The following KIF26B variants were observed in gnomAD, a reference collection of about 807,000 sequenced individuals.
The protein encoded by KIF26B is kinesin family member 26B.
KIF26B carries 63 observed loss-of-function variants against 151.2 expected under a neutral mutation model. The observed-to-expected ratio is 0.42, with a 90% CI of 0.34 to 0.51. The LOEUF is 0.51. KIF26B is among the 20% of genes least tolerant of loss of function. The pLI is 0.07. For missense variants in KIF26B, 2,813 were observed against 2,913.6 expected, an observed-to-expected ratio of 0.97 and a Z score of 0.79; for synonymous variants, 1,357 against 1,262.1, an observed-to-expected ratio of 1.08 and a Z score of -1.59.
intron 3 of KIF26B, among the ~76,000 whole-genome samples, chr1:245,377,269 T>C (rs1455513408): frequency 6.6e-6 from 1 of 152,220 alleles, no homozygotes; most frequent in African/African-American, 2.4e-5. Flanking sequence ...ACTGCAAGTC[T>C]GAAATCAAGG....
intron 5 of KIF26B, among the ~76,000 whole-genome samples, chr1:245,565,526 G>A (rs1279005519): frequency 6.6e-6 from 1 of 152,128 alleles, no homozygotes; most frequent in African/African-American, 2.4e-5. Context: ...CTGGCCTCAA[G>A]CAAGTTGCCC....
chr1:245,529,498 C>T (rs1661313603), intron 4 of KIF26B, among the ~76,000 whole-genome samples: 1 of 152,204 alleles, frequency 6.6e-6, no homozygotes, highest in African/African-American at 2.4e-5. Flanking sequence ...ATCCAGATCT[C>T]TGCAGCCAGG....
Position 245,688,458 on chromosome 1 carries a change from C to G in KIF26B, c.5475C>G (p.Ala1825=). ...GAGARGLQLR[A]GPEAEARGGA... Reference sequence around the variant, plus strand: ...GCGCCCGGGGCTTGCAGCTGCGGGCCGGGCCCGAGGCGGAGGCGCGCGGGG... The same window carrying G: ...GCGCCCGGGGCTTGCAGCTGCGGGCGGGGCCCGAGGCGGAGGCGCGCGGGG... The change falls in exon 12 of 15, where the codon GCC becomes GCG. Residue 1825 remains alanine, a synonymous_variant. Coordinates refer to ENST00000407071, the MANE Select transcript of KIF26B (RefSeq NM_018012.4). 1 of 1,370,640 alleles carries G rather than the reference C, an allele frequency of 7.3e-7. No individual in the cohort carries two copies. The highest frequency in any genetic ancestry group is 9.3e-7 in the Non-Finnish European group (1 of 1,073,408). 84.9% of individuals were successfully genotyped at this position (1,370,640 alleles called of 1,614,324 possible).
At chr1:245,522,590 T>G (rs1661152425) in intron 4 of KIF26B, among the ~76,000 whole-genome samples, 1 of 152,190 alleles carries the variant, frequency 6.6e-6, no homozygotes, top group African/African-American at 2.4e-5. Context: ...GCAAAGCAAC[T>G]GCACTAACAG....
At chr1:245,658,346 G>GT in intron 10 of KIF26B, among the ~76,000 whole-genome samples, 1 of 152,282 alleles carries the variant, frequency 6.6e-6, no homozygotes, top group South Asian at 2.1e-4. Context: ...CTGCTCTAAT[G>GT]AGATGCTCAC....
At chr1:245,265,829 A>G (rs964565126) in intron 2 of KIF26B, among the ~76,000 whole-genome samples, 1 of 152,122 alleles carries the variant, frequency 6.6e-6, no homozygotes, top group Non-Finnish European at 1.5e-5. Flanking sequence ...GCTGGTTTCG[A>G]ACTCCTGAGC....
intron 2 of KIF26B, among the ~76,000 whole-genome samples, chr1:245,159,365 G>T (rs147596805): frequency 6.6e-6 from 1 of 152,138 alleles, no homozygotes; most frequent in Non-Finnish European, 1.5e-5. Context: ...TTTGGTTTTG[G>T]TTCTTCTTCA....
chr1:245,192,069 C>T (rs1270460288), intron 2 of KIF26B, among the ~76,000 whole-genome samples: 2 of 151,892 alleles, frequency 1.3e-5, no homozygotes, highest in Non-Finnish European at 2.9e-5. Flanking sequence ...ATCCTAACTA[C>T]CAGGATTAAT....
intron 5 of KIF26B, among the ~76,000 whole-genome samples, chr1:245,575,474 CA>C (rs543333513): frequency 1.8e-3 from 265 of 147,980 alleles, no homozygotes; most frequent in Non-Finnish European, 3.2e-3. Context: ...GACTCCATCT[CA>C]AAAAAAAAAT....
chr1:245,444,860 TC>T (rs1282309777), intron 4 of KIF26B, among the ~76,000 whole-genome samples: 9 of 152,136 alleles, frequency 5.9e-5, no homozygotes, highest in African/African-American at 1.2e-4. Context: ...GATTCCAAAA[TC>T]CACGTGTGTC....
intron 2 of KIF26B, among the ~76,000 whole-genome samples, chr1:245,338,734 G>A (rs1440562847): frequency 6.6e-6 from 1 of 152,086 alleles, no homozygotes; most frequent in African/African-American, 2.4e-5. Context: ...TGACCCGAAG[G>A]GCAAAGGCCT....
intron 2 of KIF26B, among the ~76,000 whole-genome samples, chr1:245,296,024 G>A (rs1016430309): frequency 6.6e-6 from 1 of 152,104 alleles, no homozygotes; most frequent in African/African-American, 2.4e-5. Flanking sequence ...GCGTAATGTT[G>A]AACACATGAC....
At chr1:245,661,536 T>C (rs2044138601) in intron 10 of KIF26B, among the ~76,000 whole-genome samples, 1 of 151,222 alleles carries the variant, frequency 6.6e-6, no homozygotes. Context: ...TATACACACA[T>C]ACCCAATATG....
At chr1:245,385,520 A>G (rs1376070160) in intron 3 of KIF26B, among the ~76,000 whole-genome samples, 1 of 152,220 alleles carries the variant, frequency 6.6e-6, no homozygotes, top group African/African-American at 2.4e-5. Flanking sequence ...CTGAATGTAC[A>G]TGCCTGTTTG....
In KIF26B at chr1:245,688,140, C is replaced by A. The variant is rs1028933382; in HGVS notation, c.5157C>A (p.Pro1719=). The change falls in exon 12 of 15, where the codon CCC becomes CCA. Residue 1719 remains proline, a synonymous_variant. Coordinates refer to ENST00000407071, the MANE Select transcript of KIF26B (RefSeq NM_018012.4). ...SLGRSAGTSP[P]SSGASPKAGQ... ...GCCGCAGCGCCGGGACCTCGCCCCC[C>A]AGCTCCGGGGCCTCGCCCAAGGCCG... 4.4e-6 allele frequency: 7 copies of A among 1,591,128 alleles called. No homozygotes were observed. In the South Asian group the frequency reaches 4.5e-5, roughly 10 times the overall value.
intron 2 of KIF26B, among the ~76,000 whole-genome samples, chr1:245,248,648 C>T (rs547480707): frequency 1.3e-5 from 2 of 152,322 alleles, no homozygotes; most frequent in African/African-American, 4.8e-5. Context: ...CACTTTGTCG[C>T]TTTTATGGTT....
At position 245,687,504 on chromosome 1, in the gene KIF26B, G is replaced by A. The variant is rs117760772; in HGVS notation, c.4521G>A (p.Arg1507=). The A allele has an allele frequency of 9.1e-4, 1,441 of 1,578,314 alleles. 33 individuals carry two copies. The East Asian group carries it at 0.025, about 27-fold the overall frequency. Residue 1507 remains arginine (R), a synonymous_variant, in exon 12 of 15, where the codon AGG becomes AGA. Coordinates refer to ENST00000407071, the MANE Select transcript of KIF26B (RefSeq NM_018012.4). This position sits in a 1 kb window ranked among gnomAD's most constrained non-coding sequence, Gnocchi z 4.9. ...VSASPVTDNF[R]RVVDGCEMAL... is the part of the protein sequence containing the mutation. ...CCTCCCCGGTCACTGACAACTTCAG[G>A]AGGGTCGTGGATGGGTGTGAGATGG...
chr1:245,441,780 T>C (rs1659111500), intron 4 of KIF26B, among the ~76,000 whole-genome samples: 1 of 152,258 alleles, frequency 6.6e-6, no homozygotes, highest in African/African-American at 2.4e-5. Context: ...CCTGGAATTA[T>C]ACAGCTGTTG....
At chr1:245,651,775 CTCCT>C (rs1397277656) in intron 10 of KIF26B, among the ~76,000 whole-genome samples, 2 of 152,174 alleles carry the variant, frequency 1.3e-5, no homozygotes, top group African/African-American at 4.8e-5. Flanking sequence ...AGCCTGTGCG[CTCCT>C]TATGAGAATC....
Sources: allele counts gnomAD v4.1 joint callset (sites outside exome capture counted in the v4.1 genomes callset), GRCh38; gene constraint gnomAD v4.1.1; non-coding constraint Gnocchi (gnomAD v3.1); transcripts MANE v1.5; gene names NCBI Gene and HGNC (gene_info 2026-07-23, HGNC 2026-07-21).